Variants in PHYHIP observed in about 807,000 individuals in gnomAD.
PHYHIP encodes phytanoyl-CoA 2-hydroxylase interacting protein.
Under a neutral mutation model 26.1 loss-of-function variants are expected in PHYHIP, and 7 were observed. That is an observed-to-expected ratio of 0.27 (90% CI 0.15 to 0.50). The LOEUF (loss-of-function observed/expected upper bound fraction) is 0.50. PHYHIP is among the 20% of genes least tolerant of loss of function. The pLI is 0.98. For missense variants in PHYHIP, 232 were observed against 454.7 expected (o/e 0.51, Z 4.45); for synonymous variants, 206 against 183.4 (o/e 1.12, Z -1.00).
rs1359775661 is a variant in PHYHIP at position 22,221,261 on chromosome 8, G to A, written c.*92C>T. ...CTGGGCAGAGTGGAGGGAGCAGGGGGGCAGGAGAGAGAAAGCCAGCTCCCT... is the reference window on the plus strand; with the variant it reads ...CTGGGCAGAGTGGAGGGAGCAGGGGAGCAGGAGAGAGAAAGCCAGCTCCCT... On this transcript the variant is annotated 3_prime_UTR_variant, in exon 5 of 5. Transcript: ENST00000454243. This position sits in a 1 kb window ranked among gnomAD's most constrained non-coding sequence, Gnocchi z 7.9. The A allele has an allele frequency of 1.6e-6, 2 of 1,216,790 alleles. No individual in the cohort carries two copies. The highest frequency in any genetic ancestry group is 3.0e-5 in the African/African-American group (2 of 65,966). 75.4% of individuals were successfully genotyped at this position (1,216,790 alleles called of 1,614,324 possible).
rs773482287 is a variant in PHYHIP at position 22,221,605 on chromosome 8, G to A, written c.741C>T (p.Asp247=). 8 of 1,613,876 alleles carry A rather than the reference G, an allele frequency of 5.0e-6. 1 individual carries two copies. Among genetic ancestry groups the A allele is most frequent in the Middle Eastern group, 3.3e-4 (2 of 6,060 alleles). The change falls in exon 5 of 5, where the codon GAC becomes GAT. Residue 247 remains aspartate (D), a synonymous_variant. Coordinates refer to ENST00000454243, the MANE Select transcript of PHYHIP (RefSeq NM_014759.5). This position sits in a 1 kb window ranked among gnomAD's most constrained non-coding sequence, Gnocchi z 7.9. The part of the protein sequence containing the change: ...LVLAPKGSLG[D]RFCRDRLPLL... ...GGGGCAGGCGGTCGCGGCAGAAGCG[G>A]TCCCCCAGGGAGCCTTTGGGCGCCA...
chr8:22,229,644 G>A (rs1829828600), intron 1 of PHYHIP, among the ~76,000 whole-genome samples: 1 of 152,174 alleles, frequency 6.6e-6, no homozygotes, highest in African/African-American at 2.4e-5. Context: ...TTGGTCTCCT[G>A]CTTTCCAATC....
At chr8:22,229,511 C>G (rs1829826077) in intron 1 of PHYHIP, among the ~76,000 whole-genome samples, 1 of 152,196 alleles carries the variant, frequency 6.6e-6, no homozygotes, top group South Asian at 2.1e-4. Context: ...CTGGGAAGAG[C>G]TGACTCTGGC....
At chr8:22,222,414 C>G (rs887112705) in intron 4 of PHYHIP, among the ~76,000 whole-genome samples, 2 of 152,220 alleles carry the variant, frequency 1.3e-5, no homozygotes, top group Non-Finnish European at 2.9e-5. Context: ...GACACCTGCA[C>G]TTGACAAATT....
chr8:22,230,842 C>T (rs1002440646), intron 1 of PHYHIP, among the ~76,000 whole-genome samples: 5 of 152,174 alleles, frequency 3.3e-5, no homozygotes, highest in Non-Finnish European at 7.3e-5. Flanking sequence ...TCCACAGGCT[C>T]ACGCACACAC....
chr8:22,229,399 T>A (rs1466780756), intron 1 of PHYHIP, among the ~76,000 whole-genome samples: 1 of 152,178 alleles, frequency 6.6e-6, no homozygotes, highest in East Asian at 1.9e-4. Flanking sequence ...CAACTGCATT[T>A]TCTCTCCCCT....
Position 22,228,346 on chromosome 8 carries a change from C to T in PHYHIP, c.12G>A (p.Leu4=), listed in dbSNP as rs780477057. ...TGATCTCAATGCTGTGGGGCGTGGACAGCAGCTCCATGCTCCCGTCAGGGT... is the reference window on the plus strand; with the variant it reads ...TGATCTCAATGCTGTGGGGCGTGGATAGCAGCTCCATGCTCCCGTCAGGGT... MEL[L]STPHSIEINN... The change falls in exon 2 of 5, where the codon CTG becomes CTA. Residue 4 remains leucine, a synonymous_variant. Transcript: ENST00000454243. 1.9e-6 allele frequency: 3 copies of T among 1,595,572 alleles called. No individual in the cohort carries two copies. The South Asian group carries it at 3.4e-5, about 18-fold the overall frequency.
intron 2 of PHYHIP, chr8:22,227,766 G>C (rs1482048325): frequency 4.4e-6 from 2 of 457,012 alleles, no homozygotes; most frequent in Middle Eastern, 3.3e-4. Flanking sequence ...ACCGAGGCCC[G>C]TGTGGCCCAC....
At chr8:22,229,201 T>TA (rs1829819340) in intron 1 of PHYHIP, among the ~76,000 whole-genome samples, 2 of 152,144 alleles carry the variant, frequency 1.3e-5, no homozygotes, top group African/African-American at 4.8e-5. Context: ...GGGGAGGTAC[T>TA]AACATGCCCA....
At chr8:22,229,097 C>T (rs889149163) in intron 1 of PHYHIP, among the ~76,000 whole-genome samples, 2 of 152,186 alleles carry the variant, frequency 1.3e-5, no homozygotes, top group Admixed American at 1.3e-4. Flanking sequence ...TAGGGGCCGG[C>T]CATGTGCTCA....
chr8:22,230,854 C>T (rs1355164520), intron 1 of PHYHIP, among the ~76,000 whole-genome samples: 4 of 152,186 alleles, frequency 2.6e-5, no homozygotes, highest in African/African-American at 4.8e-5. Flanking sequence ...CGCACACACA[C>T]GTCCACGCAC....
intron 3 of PHYHIP, 99 bp downstream of exon 3, chr8:22,226,751 GT>G: frequency 1.8e-6 from 2 of 1,118,468 alleles, no homozygotes; most frequent in Non-Finnish European, 2.6e-6. Flanking sequence ...GACAGAAGGT[GT>G]TCATCAGTGT....
chr8:22,231,213 C>A (rs538746554), intron 1 of PHYHIP, among the ~76,000 whole-genome samples: 1 of 152,026 alleles, frequency 6.6e-6, no homozygotes, highest in Non-Finnish European at 1.5e-5. Flanking sequence ...ATATAGAAAG[C>A]CCCTGTCTGC....
In PHYHIP at chr8:22,222,736, C is replaced by G. The variant is rs183125991; in HGVS notation, c.459-849G>C. On this transcript the variant is annotated intron_variant, in intron 4 of 4. Coordinates refer to ENST00000454243, the MANE Select transcript of PHYHIP (RefSeq NM_014759.5). ...CCATGAGTGCTCTCTATCTCTCCCA[C>G]TCTCGCTGATAAAGGAGCCCAAACT... Among the ~76,000 whole-genome samples, 22 of 152,364 alleles carry G rather than the reference C, an allele frequency of 1.4e-4. No homozygotes were observed. In the East Asian group the frequency reaches 3.7e-3, roughly 25 times the overall value.
chr8:22,223,626 C>G (rs1829679489), intron 4 of PHYHIP: 1 of 152,270 alleles, frequency 6.6e-6, no homozygotes, highest in Non-Finnish European at 1.5e-5. Context: ...TGGACTGCAG[C>G]AACTCTCTTT....
intron 3 of PHYHIP, among the ~76,000 whole-genome samples, chr8:22,224,772 A>G (rs1043887087): frequency 6.6e-5 from 10 of 152,166 alleles, no homozygotes; most frequent in Admixed American, 2.0e-4. Context: ...GAGGCTGCCC[A>G]CACCACCCCC....
Position 22,227,011 on chromosome 8 carries a change from C to T in PHYHIP, c.180G>A (p.Lys60=), listed in dbSNP as rs140307570. Residue 60 remains lysine, a synonymous_variant, in exon 3 of 5, where the codon AAG becomes AAA. Transcript: ENST00000454243. The part of the protein sequence containing the change: ...NKFKHRDVPT[K]LVAKAVPLPM... ...GCAGCGGCACTGCCTTGGCCACGAG[C>T]TTGGTGGGGACGTCCTGAGAAACAG... 1.7e-4 allele frequency: 266 copies of T among 1,611,966 alleles called. No homozygotes were observed. In the African/African-American group the frequency reaches 3.1e-3, roughly 19 times the overall value.
chr8:22,223,426 C>A (rs1204136351), intron 4 of PHYHIP, among the ~76,000 whole-genome samples: 1 of 151,468 alleles, frequency 6.6e-6, no homozygotes, highest in East Asian at 1.9e-4. Context: ...AAGGATGCGG[C>A]CTTGGAGCAC....
intron 4 of PHYHIP, chr8:22,223,863 T>A: frequency 3.1e-5 from 6 of 194,400 alleles, no homozygotes; most frequent in Admixed American, 6.0e-5. Flanking sequence ...AACACTCATT[T>A]TGTGCACTCC....
Sources: allele counts gnomAD v4.1 joint callset (sites outside exome capture counted in the v4.1 genomes callset), GRCh38; gene constraint gnomAD v4.1.1; non-coding constraint Gnocchi (gnomAD v3.1); transcripts MANE v1.5; gene names NCBI Gene and HGNC (gene_info 2026-07-23, HGNC 2026-07-21).